Variants in CRIM1 observed in about 807,000 individuals in gnomAD.
The protein encoded by CRIM1 is cysteine-rich motor neuron 1 protein.
CRIM1 carries 32 observed loss-of-function variants against 116.4 expected under a neutral mutation model. The ratio of observed to expected loss-of-function variants is 0.27; its 90% CI spans 0.21 to 0.37. CRIM1 has a LOEUF of 0.37. Ranked by LOEUF, CRIM1 falls within the 10% of genes least tolerant of loss-of-function variation. The pLI, the probability that CRIM1 is intolerant of heterozygous loss-of-function variation, is 1.00. For synonymous variants in CRIM1, 590 were observed against 509.2 expected (o/e 1.16, Z -2.13); for missense variants, 1,331 against 1,354.8 (o/e 0.98, Z 0.28).
At position 36,497,948 on chromosome 2, in the gene CRIM1, G is replaced by A. The variant is rs143942546; in HGVS notation, c.1373-1271G>A. ...TGGATAGAGTGTTGGACAGGAGGTT[G>A]GGAACCTCTGTTCTGTTCTATTCCC... On this transcript the variant is annotated intron_variant, in intron 7 of 16. Transcript: ENST00000280527. Among the ~76,000 whole-genome samples, 358 of 152,274 alleles carry A rather than the reference G, an allele frequency of 2.4e-3. 2 individuals carry two copies. The highest frequency in any genetic ancestry group is 8.0e-3 in the African/African-American group (334 of 41,528).
chr2:36,544,539 T>G (rs181755488), intron 15 of CRIM1, 41 bp downstream of exon 15: 1 of 1,315,002 alleles, frequency 7.6e-7, no homozygotes, highest in Non-Finnish European at 9.8e-7. Context: ...GTTTTCTATG[T>G]GGTCTACTTA....
chr2:36,356,287 A>G lies in CRIM1; in HGVS notation c.-6A>G. 1.4e-6 allele frequency: 2 copies of G among 1,459,798 alleles called. No individual in the cohort carries two copies. The highest frequency in any genetic ancestry group is 2.6e-5 in the East Asian group (1 of 37,826). 90.4% of individuals were successfully genotyped at this position (1,459,798 alleles called of 1,614,324 possible). On this transcript the variant is annotated 5_prime_UTR_variant, in exon 1 of 17. Transcript: ENST00000280527. This position sits in a 1 kb window ranked among gnomAD's most constrained non-coding sequence, Gnocchi z 4.3. ...TGCGAGGAGGAGGCGGCGGCGGCGC[A>G]GGAGGATGTACTTGGTGGCGGGGGA...
chr2:36,532,318 T>C (rs1228336220), intron 13 of CRIM1, among the ~76,000 whole-genome samples: 1 of 152,212 alleles, frequency 6.6e-6, no homozygotes, highest in Non-Finnish European at 1.5e-5. Context: ...TAAACGTTAT[T>C]ATGTTAGTGT....
At chr2:36,515,940 A>G (rs1221510700) in intron 11 of CRIM1, among the ~76,000 whole-genome samples, 2 of 152,210 alleles carry the variant, frequency 1.3e-5, no homozygotes, top group African/African-American at 4.8e-5. Flanking sequence ...CACATTTACC[A>G]TCTTGTTCAG....
chr2:36,427,565 T>C (rs1674554788), intron 2 of CRIM1, among the ~76,000 whole-genome samples: 1 of 152,198 alleles, frequency 6.6e-6, no homozygotes, highest in Non-Finnish European at 1.5e-5. Flanking sequence ...TTCTACCATC[T>C]TTCATGTTGA....
At chr2:36,539,990 G>A (rs956836189) in intron 14 of CRIM1, among the ~76,000 whole-genome samples, 6 of 151,998 alleles carry the variant, frequency 3.9e-5, no homozygotes, top group African/African-American at 7.3e-5. Context: ...AAAAGAGAGC[G>A]CAGGACCGAG....
At chr2:36,389,009 C>T (rs188683742) in intron 1 of CRIM1, among the ~76,000 whole-genome samples, 9 of 152,280 alleles carry the variant, frequency 5.9e-5, no homozygotes, top group Admixed American at 3.9e-4. Flanking sequence ...AGTTAGTCTT[C>T]AACAAATATT....
intron 15 of CRIM1, among the ~76,000 whole-genome samples, chr2:36,546,530 T>A (rs1318484811): frequency 6.6e-6 from 1 of 152,156 alleles, no homozygotes; most frequent in Non-Finnish European, 1.5e-5. Context: ...TAGTCTTAGC[T>A]ATTAACACTA....
At chr2:36,499,454 A>G in intron 8 of CRIM1, 107 bp downstream of exon 8, 5 of 1,224,024 alleles carry the variant, frequency 4.1e-6, no homozygotes, top group Non-Finnish European at 5.7e-6. Flanking sequence ...CATTCCCTTG[A>G]CAACCTGAAA....
At chr2:36,499,137 G>T in intron 7 of CRIM1, 82 bp from the exon 8 acceptor site, 1 of 1,023,856 alleles carries the variant, frequency 9.8e-7, no homozygotes, top group Non-Finnish European at 1.5e-6. Flanking sequence ...GTAACATTAT[G>T]GTGTGGAATT....
chr2:36,529,036 C>T (rs1665941354), intron 13 of CRIM1: 1 of 462,392 alleles, frequency 2.2e-6, no homozygotes, highest in Non-Finnish European at 4.5e-6. Flanking sequence ...TTTAGGTGTG[C>T]TCCGCTCCAG....
chr2:36,425,783 G>A (rs531917850), intron 2 of CRIM1, among the ~76,000 whole-genome samples: 3 of 152,250 alleles, frequency 2.0e-5, no homozygotes, highest in Admixed American at 6.5e-5. Context: ...TGCTAAATAC[G>A]AATAACCATG....
chr2:36,440,520 G>T (rs930664537), intron 2 of CRIM1, among the ~76,000 whole-genome samples: 5 of 152,180 alleles, frequency 3.3e-5, no homozygotes, highest in African/African-American at 1.2e-4. Flanking sequence ...CCAGGGCTTT[G>T]CTCCTCCATC....
intron 1 of CRIM1, among the ~76,000 whole-genome samples, 160 bp from the exon 2 acceptor site, chr2:36,396,454 T>G (rs911138502): frequency 2.6e-5 from 4 of 152,234 alleles, no homozygotes; most frequent in Admixed American, 2.0e-4. Flanking sequence ...ATGAAGAGAT[T>G]GGGTTTCATT....
chr2:36,514,725 CGGG>C (rs1184272950), intron 11 of CRIM1, among the ~76,000 whole-genome samples: 5 of 131,408 alleles, frequency 3.8e-5, no homozygotes, highest in African/African-American at 1.2e-4. Flanking sequence ...AAGGTGTAGC[CGGG>C]AGCCTGAGGC....
chr2:36,475,695 G>A (rs1477784075), intron 5 of CRIM1, among the ~76,000 whole-genome samples: 2 of 152,202 alleles, frequency 1.3e-5, no homozygotes, highest in Admixed American at 1.3e-4. Context: ...TTGCCATTAA[G>A]TATGAGGTTA....
chr2:36,453,229 G>C (rs113731054), intron 4 of CRIM1, among the ~76,000 whole-genome samples: 4 of 152,370 alleles, frequency 2.6e-5, no homozygotes, highest in African/African-American at 9.6e-5. Context: ...TAGAACCCAG[G>C]AGGTAGAGAC....
At chr2:36,533,805 T>A (rs1666284117) in intron 13 of CRIM1, among the ~76,000 whole-genome samples, 1 of 152,224 alleles carries the variant, frequency 6.6e-6, no homozygotes, top group Non-Finnish European at 1.5e-5. Context: ...TTGAAATTAT[T>A]CTACATAGGT....
chr2:36,405,922 G>A (rs1453960867), intron 2 of CRIM1, among the ~76,000 whole-genome samples: 4 of 152,178 alleles, frequency 2.6e-5, no homozygotes, highest in African/African-American at 9.7e-5. Context: ...GGACTCGGAT[G>A]CTGGAAAAAT....
Sources: gnomAD v4.1 joint callset for allele counts (sites outside exome capture counted in the v4.1 genomes callset) on GRCh38, gnomAD v4.1.1 for gene constraint, Gnocchi (gnomAD v3.1) non-coding constraint, MANE v1.5 for transcripts, NCBI Gene and HGNC (gene_info 2026-07-23, HGNC 2026-07-21) for gene names.